ZSCAN25: variants seen among roughly 807,000 people sequenced by gnomAD.
ZSCAN25 encodes zinc finger and SCAN domain-containing protein 25.
Under a neutral mutation model 38.7 loss-of-function variants are expected in ZSCAN25, and 27 were observed. The ratio of observed to expected loss-of-function variants is 0.70; its 90% CI spans 0.51 to 0.96. The LOEUF (loss-of-function observed/expected upper bound fraction) is 0.96. ZSCAN25 is among the 40% of genes least tolerant of loss of function. The probability of loss-of-function intolerance (pLI) is 0.00; values close to 1 mark genes in which losing one functional copy is unlikely to be tolerated. For missense variants in ZSCAN25, 637 were observed against 705.9 expected (o/e 0.90, Z 1.11); for synonymous variants, 273 against 277.7 (o/e 0.98, Z 0.17).
At chr7:99,673,039 A>C in the ZSCAN25 span, 1 of 270,366 alleles carries the variant, frequency 3.7e-6, no homozygotes, top group Non-Finnish European at 5.9e-6. Context: ...TATATGTTTA[A>C]AATACTTCAT....
chr7:99,625,413 G>T (rs984183288), intron 7 of ZSCAN25, among the ~76,000 whole-genome samples: 87 of 152,290 alleles, frequency 5.7e-4, no homozygotes, highest in African/African-American at 1.9e-3. Flanking sequence ...AAAGGCGCTT[G>T]CCTGTGGGGT....
Position 99,621,490 on chromosome 7 carries a change from G to GA in ZSCAN25, c.507dup (p.Gly170ArgfsTer20). ...GCCTGAATGGGGGATGCCCCCTGGG[G>GA]AAGGAGTTCAAGGTCCAGACCCAGG... is the stretch of plus-strand genomic sequence containing the variant. On this transcript the variant is annotated frameshift_variant, in exon 5 of 8. Transcript: ENST00000394152. LOFTEE classifies it high-confidence loss of function. 1 of 1,582,334 alleles carries GA rather than the reference G, an allele frequency of 6.3e-7. No individual in the cohort carries two copies. The highest frequency in any genetic ancestry group is 8.6e-7 in the Non-Finnish European group (1 of 1,160,108).
At chr7:99,650,316 C>G in the ZSCAN25 span, 1 of 1,253,774 alleles carries the variant, frequency 8.0e-7, no homozygotes, top group Non-Finnish European at 1.1e-6. Context: ...TTAAGAACAA[C>G]CCCCCTCCAC....
the ZSCAN25 span, chr7:99,705,272 A>C: frequency 2.1e-6 from 1 of 469,796 alleles, no homozygotes; most frequent in Non-Finnish European, 3.8e-6. Flanking sequence ...AGAGAAGCCA[A>C]ATCTACTTCC....
chr7:99,653,557 A>G, the ZSCAN25 span, among the ~76,000 whole-genome samples: 1 of 152,248 alleles, frequency 6.6e-6, no homozygotes. This position sits in a 1 kb window ranked among gnomAD's most constrained non-coding sequence, Gnocchi z 4.2. Context: ...CTACCAAGGT[A>G]CACAATTTGA....
the ZSCAN25 span, chr7:99,700,181 C>T: frequency 0.83 from 490,022 of 593,680 alleles, 209,828 homozygotes; most frequent in Non-Finnish European, 0.92. Flanking sequence ...GAGAAGGAGG[C>T]GGGGCTGCAG....
At chr7:99,676,133 A>G in the ZSCAN25 span, 1 of 1,613,704 alleles carries the variant, frequency 6.2e-7, no homozygotes, top group East Asian at 2.2e-5. Flanking sequence ...AGGACAAAAC[A>G]TTTCCCAACA....
the ZSCAN25 span, among the ~76,000 whole-genome samples, chr7:99,719,137 C>T: frequency 6.6e-6 from 1 of 152,260 alleles, no homozygotes; most frequent in Non-Finnish European, 1.5e-5. Flanking sequence ...TATTTATAGA[C>T]ACTGAGAGAC....
At chr7:99,685,045 T>A in the ZSCAN25 span, 2 of 926,994 alleles carry the variant, frequency 2.2e-6, no homozygotes, top group Non-Finnish European at 3.4e-6. Context: ...GAAGCCCATC[T>A]TCATTTCAGG....
At chr7:99,675,505 C>G in the ZSCAN25 span, among the ~76,000 whole-genome samples, 1 of 151,806 alleles carries the variant, frequency 6.6e-6, no homozygotes, top group Admixed American at 6.6e-5. Flanking sequence ...GGCTGGAGAG[C>G]AGCTTGCTGC....
chr7:99,646,896 T>TTATC, the ZSCAN25 span, among the ~76,000 whole-genome samples: 95 of 151,786 alleles, frequency 6.3e-4, no homozygotes, highest in African/African-American at 2.2e-3. Flanking sequence ...CAACTATCTA[T>TTATC]TATCTATCTA....
At chr7:99,619,017 T>A (rs1353634612) in intron 2 of ZSCAN25, 31 bp from the exon 3 acceptor site, 1 of 152,440 alleles carries the variant, frequency 6.6e-6, no homozygotes, top group Non-Finnish European at 1.5e-5. Context: ...TGCCCCCTGT[T>A]AACAGAGCAC....
chr7:99,649,834 G>A, the ZSCAN25 span, among the ~76,000 whole-genome samples: 10 of 152,014 alleles, frequency 6.6e-5, no homozygotes, highest in Non-Finnish European at 1.3e-4. Context: ...ACTTACTCAG[G>A]TTCAAAGAGA....
intron 7 of ZSCAN25, among the ~76,000 whole-genome samples, chr7:99,627,591 C>CAATT (rs1040971504): frequency 4.0e-5 from 6 of 151,804 alleles, no homozygotes; most frequent in Non-Finnish European, 8.8e-5. Flanking sequence ...ATGTGTGAGA[C>CAATT]AATTACCTGA....
downstream of ZSCAN25, among the ~76,000 whole-genome samples, chr7:99,635,225 A>G (rs903051621): frequency 1.9e-4 from 29 of 152,040 alleles, no homozygotes; most frequent in Non-Finnish European, 5.9e-5. Flanking sequence ...ACAACCATAA[A>G]GAACACAGTT....
the ZSCAN25 span, among the ~76,000 whole-genome samples, chr7:99,669,337 G>GA: frequency 1.3e-5 from 2 of 152,004 alleles, no homozygotes; most frequent in Admixed American, 1.3e-4. Flanking sequence ...TAGCAGAACT[G>GA]AAAAAAAGTC....
chr7:99,650,360 G>T, the ZSCAN25 span: 1 of 830,912 alleles, frequency 1.2e-6, no homozygotes, highest in Admixed American at 2.5e-5. Context: ...TACTTTTGTG[G>T]GCTGGTCATT....
the ZSCAN25 span, among the ~76,000 whole-genome samples, chr7:99,725,404 A>G: frequency 4.9e-4 from 74 of 152,310 alleles, no homozygotes; most frequent in African/African-American, 1.5e-3. Flanking sequence ...CCAAGTGACA[A>G]TGCATCTCTG....
At chr7:99,689,437 G>A in the ZSCAN25 span, among the ~76,000 whole-genome samples, 69 of 152,070 alleles carry the variant, frequency 4.5e-4, no homozygotes, top group African/African-American at 1.9e-4. Flanking sequence ...TAAATTCCTC[G>A]ACACATACAC....
Sources: gnomAD v4.1 joint callset for allele counts (sites outside exome capture counted in the v4.1 genomes callset) on GRCh38, gnomAD v4.1.1 for gene constraint, Gnocchi (gnomAD v3.1) non-coding constraint, MANE v1.5 for transcripts, NCBI Gene and HGNC (gene_info 2026-07-23, HGNC 2026-07-21) for gene names.